PTGER3: variants seen among roughly 807,000 people sequenced by gnomAD.
The protein encoded by PTGER3 is prostaglandin E receptor 3.
In PTGER3, 22 loss-of-function variants were observed where a neutral mutation model predicts 34.7. The observed-to-expected ratio is 0.63, with a 90% CI of 0.45 to 0.91. The LOEUF (loss-of-function observed/expected upper bound fraction) is 0.91, where lower values mean the gene tolerates loss of function less well. Among genes scored for constraint, PTGER3 ranks in the 40% least tolerant of loss-of-function variants. The pLI is 0.00. For missense variants in PTGER3, 468 were observed against 519.4 expected, an observed-to-expected ratio of 0.90 and a Z score of 0.96; for synonymous variants, 241 against 230.1, an observed-to-expected ratio of 1.05 and a Z score of -0.43.
At chr1:70,903,811 T>C (rs1186825488) in intron 4 of PTGER3, among the ~76,000 whole-genome samples, 1 of 152,248 alleles carries the variant, frequency 6.6e-6, no homozygotes, top group Non-Finnish European at 1.5e-5. Context: ...ATCCTGGGTT[T>C]CAGCTACTTA....
At chr1:71,030,755 A>C (rs564625152) in intron 1 of PTGER3, among the ~76,000 whole-genome samples, 1 of 152,166 alleles carries the variant, frequency 6.6e-6, no homozygotes, top group Non-Finnish European at 1.5e-5. Flanking sequence ...GCTCCTACAA[A>C]GGTCAATCAG....
At chr1:70,939,900 G>A (rs373847433) in intron 4 of PTGER3, among the ~76,000 whole-genome samples, 33 of 152,258 alleles carry the variant, frequency 2.2e-4, no homozygotes, top group African/African-American at 6.3e-4. Flanking sequence ...ATTAACATTC[G>A]GCTCCTTGCT....
chr1:71,030,135 G>C (rs991471048), intron 1 of PTGER3, among the ~76,000 whole-genome samples: 3 of 151,988 alleles, frequency 2.0e-5, no homozygotes, highest in Non-Finnish European at 4.4e-5. Flanking sequence ...GGATGCTGGG[G>C]TAGGGATGGA....
At chr1:70,980,029 A>G (rs1221704920) in intron 2 of PTGER3, among the ~76,000 whole-genome samples, 2 of 108,114 alleles carry the variant, frequency 1.8e-5, no homozygotes, top group African/African-American at 6.9e-5. Flanking sequence ...GAAAGGGGAA[A>G]TATTAAAGTA....
At chr1:70,995,127 A>G (rs562793688) in intron 2 of PTGER3, among the ~76,000 whole-genome samples, 21 of 152,312 alleles carry the variant, frequency 1.4e-4, no homozygotes, top group African/African-American at 4.8e-4. Flanking sequence ...GCATAAGGAA[A>G]CAACTCTTAG....
intron 3 of PTGER3, among the ~76,000 whole-genome samples, chr1:70,972,067 C>A (rs896943297): frequency 3.9e-5 from 6 of 152,082 alleles, no homozygotes; most frequent in Non-Finnish European, 1.5e-5. Context: ...GTGGTTCATG[C>A]CTGTAATCCC....
intron 4 of PTGER3, among the ~76,000 whole-genome samples, chr1:70,870,144 A>G (rs1177244284): frequency 6.6e-6 from 1 of 152,186 alleles, no homozygotes; most frequent in Non-Finnish European, 1.5e-5. Flanking sequence ...GTATACCTGC[A>G]GGCTTAACAC....
chr1:70,952,105 G>A (rs1036343900), downstream of PTGER3, among the ~76,000 whole-genome samples: 5 of 152,094 alleles, frequency 3.3e-5, no homozygotes, highest in African/African-American at 1.2e-4. Context: ...GAAGTATTAG[G>A]AGCAGGTGTG....
Position 71,047,001 on chromosome 1 carries a change from C to T in PTGER3, c.577G>A (p.Val193Met), listed in dbSNP as rs540934112. 1 of 1,611,512 alleles carries T rather than the reference C, an allele frequency of 6.2e-7. No homozygotes were observed. The highest frequency in any genetic ancestry group is 1.3e-5 in the African/African-American group (1 of 75,054). Residue 193 changes from valine to methionine, a missense_variant, in exon 1 of 4, where the codon GTG becomes ATG. Val to Met is a conservative substitution (Grantham distance 21, BLOSUM62 1). This residue lies in a region of PTGER3 where 204 missense variants were observed against 230.8 expected (regional missense o/e 0.88). Transcript: ENST00000306666. ...ACGGTGTACTGGCCCACGCCCAGCACCGGCAGCAGGGCGAAGGCGAGCACG... is the reference window on the plus strand; with the variant it reads ...ACGGTGTACTGGCCCACGCCCAGCATCGGCAGCAGGGCGAAGGCGAGCACG... ...LAVLAFALLP[V>M]LGVGQYTVQW...
intron 2 of PTGER3, among the ~76,000 whole-genome samples, chr1:71,002,523 T>C (rs1389526186): frequency 6.6e-6 from 1 of 152,210 alleles, no homozygotes; most frequent in African/African-American, 2.4e-5. Flanking sequence ...TATTTTAAAT[T>C]ACATATGGCC....
Position 70,971,084 on chromosome 1 carries a change from CAATT to C in PTGER3, c.*642_*645del, listed in dbSNP as rs773889091. On this transcript the variant is annotated 3_prime_UTR_variant, in exon 4 of 4. Transcript: ENST00000306666. ...TTTGTCATCAAAAGCTTAGAAATAA[CAATT>C]AAGCAGATTCCTGAGTTACTAAATG... The C allele has an allele frequency of 5.7e-5, 56 of 985,184 alleles. No individual in the cohort carries two copies. Among genetic ancestry groups the C allele is most frequent in the Non-Finnish European group, 6.6e-5 (55 of 829,918 alleles). 61.0% of individuals were successfully genotyped at this position (985,184 alleles called of 1,614,324 possible). A position where few individuals can be genotyped will look rare whatever the true frequency, so the allele number is the denominator to read the frequency against.
At chr1:70,962,864 C>G (rs1250382987) in intron 2 of PTGER3, among the ~76,000 whole-genome samples, 1 of 152,184 alleles carries the variant, frequency 6.6e-6, no homozygotes, top group Non-Finnish European at 1.5e-5. Context: ...CCAACACTCC[C>G]CCAAAGTCTT....
chr1:71,010,170 G>A (rs1572921822), intron 2 of PTGER3: 5 of 984,988 alleles, frequency 5.1e-6, no homozygotes, highest in Non-Finnish European at 4.8e-6. Flanking sequence ...GATGAAAAGT[G>A]ATATTCTTGT....
chr1:71,040,172 GAGGGA>G (rs1047090352), intron 1 of PTGER3, among the ~76,000 whole-genome samples: 14 of 151,642 alleles, frequency 9.2e-5, no homozygotes, highest in South Asian at 2.1e-4. Context: ...GAGAGGAGGA[GAGGGA>G]AGGGAAGGGA....
downstream of PTGER3, among the ~76,000 whole-genome samples, chr1:70,948,440 C>G (rs1467202750): frequency 6.6e-6 from 1 of 152,078 alleles, no homozygotes. Context: ...TTCCCCAGCT[C>G]TGTGGAACTG....
At chr1:70,958,304 T>C (rs1651569426) in intron 2 of PTGER3, among the ~76,000 whole-genome samples, 1 of 152,224 alleles carries the variant, frequency 6.6e-6, no homozygotes, top group South Asian at 2.1e-4. Context: ...TATTACCTTA[T>C]ATTTCCACCA....
At chr1:70,945,791 T>C (rs1464673986) in intron 4 of PTGER3, among the ~76,000 whole-genome samples, 1 of 152,086 alleles carries the variant, frequency 6.6e-6, no homozygotes, top group Non-Finnish European at 1.5e-5. Context: ...ATTTCTTATT[T>C]TGGAGAAGGC....
chr1:70,989,960 T>C (rs543751129), intron 2 of PTGER3, among the ~76,000 whole-genome samples: 1 of 151,650 alleles, frequency 6.6e-6, no homozygotes, highest in South Asian at 2.1e-4. Flanking sequence ...AATATATATG[T>C]GAAAATATAT....
At chr1:71,008,165 G>T (rs753322678) in intron 2 of PTGER3, 39 of 960,028 alleles carry the variant, frequency 4.1e-5, no homozygotes, top group Non-Finnish European at 4.6e-5. Flanking sequence ...AGGGGACTAG[G>T]AGAAAACAGT....
Sources: allele counts gnomAD v4.1 joint callset (sites outside exome capture counted in the v4.1 genomes callset), GRCh38; gene constraint gnomAD v4.1.1; regional missense constraint gnomAD v4.1.1; transcripts MANE v1.5; gene names NCBI Gene and HGNC (gene_info 2026-07-23, HGNC 2026-07-21).